The following TRIM24 variants were observed in gnomAD, a reference collection of about 807,000 sequenced individuals.
TRIM24 encodes transcription intermediary factor 1-alpha.
Under a neutral mutation model 123.9 loss-of-function variants are expected in TRIM24, and 29 were observed. That is an observed-to-expected ratio of 0.23 (90% CI 0.17 to 0.32). The LOEUF (loss-of-function observed/expected upper bound fraction) is 0.32, where lower values mean the gene tolerates loss of function less well. Among genes scored for constraint, TRIM24 ranks in the 10% least tolerant of loss-of-function variants. The probability of loss-of-function intolerance (pLI) is 1.00; values close to 1 mark genes in which losing one functional copy is unlikely to be tolerated. For missense variants in TRIM24, 932 were observed against 1,295.3 expected (o/e 0.72, Z 4.31); for synonymous variants, 456 against 461.1 (o/e 0.99, Z 0.14).
chr7:138,512,000 T>A (rs181716413), intron 2 of TRIM24, among the ~76,000 whole-genome samples: 74 of 152,276 alleles, frequency 4.9e-4, no homozygotes, highest in African/African-American at 1.7e-3. Context: ...ATACTCCCAT[T>A]CCAAAATGGA....
At chr7:138,570,801 C>T in intron 10 of TRIM24, 29 bp from the exon 11 acceptor site, 1 of 1,610,510 alleles carries the variant, frequency 6.2e-7, no homozygotes, top group Non-Finnish European at 8.5e-7. Flanking sequence ...TTGTTGATAG[C>T]CTTTGTTCTT....
intron 1 of TRIM24, among the ~76,000 whole-genome samples, chr7:138,502,728 T>C (rs1313738522): frequency 1.3e-5 from 2 of 152,200 alleles, no homozygotes; most frequent in African/African-American, 4.8e-5. Flanking sequence ...CTGAAATGCA[T>C]TGTGACATCT....
intron 2 of TRIM24, among the ~76,000 whole-genome samples, chr7:138,509,469 C>G (rs1796239144): frequency 6.7e-6 from 1 of 149,892 alleles, no homozygotes; most frequent in Non-Finnish European, 1.5e-5. Flanking sequence ...TTTGTGAGGC[C>G]GAGGCAGGCG....
chr7:138,580,679 A>G lies in TRIM24; in HGVS notation c.2703A>G (p.Thr901=), dbSNP rs749872696. ...AAACTGAAGGCCTTGTTAAGTTAAC[A>G]CCTATAGATAAAAGGGTAAGTCTTT... The part of the protein sequence containing the change: ...KKKTEGLVKL[T]PIDKRKCERL... Residue 901 remains threonine, a synonymous_variant, in exon 16 of 19, where the codon ACA becomes ACG. Coordinates refer to ENST00000343526, the MANE Select transcript of TRIM24 (RefSeq NM_015905.3). 6.2e-7 allele frequency: 1 copy of G among 1,613,624 alleles called. No individual in the cohort carries two copies. Among genetic ancestry groups the G allele is most frequent in the Non-Finnish European group, 8.5e-7 (1 of 1,179,800 alleles).
chr7:138,491,188 T>G, intron 1 of TRIM24: 1 of 256,304 alleles, frequency 3.9e-6, no homozygotes, highest in Non-Finnish European at 7.8e-6. Flanking sequence ...ACATAACCCT[T>G]GAGACCATCA....
chr7:138,520,189 T>C (rs1320676474), intron 4 of TRIM24, among the ~76,000 whole-genome samples: 1 of 152,160 alleles, frequency 6.6e-6, no homozygotes, highest in Non-Finnish European at 1.5e-5. Context: ...GGCTGAGAAA[T>C]CACAGCTTAG....
rs1554436685 is a variant in TRIM24, at chr7:138,508,708, C to CGTGTGCGTGT, written c.483+4305_483+4306insCGTGTGTGTG. On this transcript the variant is annotated intron_variant, in intron 2 of 18. Transcript: ENST00000343526. ...GTGTGTGTGTGCGCGCGCGTGTGTG[C>CGTGTGCGTGT]GTGTGTGTGTGCGTGTGTGTGTGTG... is the stretch of plus-strand genomic sequence containing the variant. Among the ~76,000 whole-genome samples, 160 of 136,282 alleles carry CGTGTGCGTGT rather than the reference C, an allele frequency of 1.2e-3. 4 individuals are homozygous for CGTGTGCGTGT. The Middle Eastern group carries it at 0.016, about 14-fold the overall frequency. 89.4% of individuals were successfully genotyped at this position (136,282 alleles called of 152,430 possible). A position where few individuals can be genotyped will look rare whatever the true frequency, so the allele number is the denominator to read the frequency against.
chr7:138,503,390 C>T (rs1448348507), intron 1 of TRIM24, among the ~76,000 whole-genome samples: 1 of 151,976 alleles, frequency 6.6e-6, no homozygotes. Flanking sequence ...TATTTTCCTG[C>T]ACAATGACCT....
intron 1 of TRIM24, among the ~76,000 whole-genome samples, chr7:138,500,573 A>G (rs1437115038): frequency 1.3e-5 from 2 of 151,480 alleles, no homozygotes; most frequent in Non-Finnish European, 2.9e-5. Context: ...CAAAAAAAAA[A>G]AAAAAAAAAA....
At chr7:138,487,265 A>G (rs1301045506) in intron 1 of TRIM24, among the ~76,000 whole-genome samples, 1 of 152,200 alleles carries the variant, frequency 6.6e-6, no homozygotes, top group African/African-American at 2.4e-5. Context: ...TTCTAAATAT[A>G]CAATCATGTC....
intron 5 of TRIM24, among the ~76,000 whole-genome samples, 194 bp downstream of exon 5, chr7:138,525,551 C>G (rs917732273): frequency 6.6e-6 from 1 of 152,122 alleles, no homozygotes; most frequent in South Asian, 2.1e-4. Context: ...TAATAATAAA[C>G]TACACTTAGT....
At chr7:138,577,665 G>T (rs1797789679) in intron 14 of TRIM24, 77 bp downstream of exon 14, 5 of 1,175,702 alleles carry the variant, frequency 4.3e-6, no homozygotes, top group Non-Finnish European at 4.5e-6. Context: ...GCTCTTAGGA[G>T]TTTTTTTTTA....
intron 1 of TRIM24, among the ~76,000 whole-genome samples, chr7:138,469,964 G>A (rs1795234219): frequency 2.0e-5 from 3 of 152,022 alleles, no homozygotes; most frequent in Admixed American, 2.0e-4. Flanking sequence ...CTTAGGAAGT[G>A]GAATGTGGAC....
At chr7:138,583,388 G>A (rs1238238186) in intron 17 of TRIM24, among the ~76,000 whole-genome samples, 1 of 152,196 alleles carries the variant, frequency 6.6e-6, no homozygotes, top group East Asian at 1.9e-4. Flanking sequence ...GGGAGGCTGA[G>A]GCAGGCAGAT....
chr7:138,520,096 T>C (rs1028929548), intron 4 of TRIM24, among the ~76,000 whole-genome samples: 1 of 152,110 alleles, frequency 6.6e-6, no homozygotes, highest in African/African-American at 2.4e-5. Context: ...TGGGTTGGAG[T>C]TGGGGCTAAG....
At chr7:138,582,932 A>G (rs28691741) in intron 17 of TRIM24, among the ~76,000 whole-genome samples, 1,980 of 152,300 alleles carry the variant, frequency 0.013, 36 homozygotes, top group African/African-American at 0.044. Flanking sequence ...TAACAACATT[A>G]CCAACTTGAA....
intron 1 of TRIM24, among the ~76,000 whole-genome samples, chr7:138,502,018 G>A (rs986680046): frequency 1.3e-5 from 2 of 152,172 alleles, no homozygotes; most frequent in Non-Finnish European, 2.9e-5. Context: ...TGGGAATGAA[G>A]TTCTGGTAGA....
chr7:138,548,253 T>C (rs1434003980), intron 7 of TRIM24, among the ~76,000 whole-genome samples: 18 of 152,174 alleles, frequency 1.2e-4, no homozygotes, highest in South Asian at 2.1e-4. Flanking sequence ...TACTGAATAC[T>C]GTAGGCAGTT....
At chr7:138,472,359 G>C (rs1457242833) in intron 1 of TRIM24, among the ~76,000 whole-genome samples, 2 of 152,052 alleles carry the variant, frequency 1.3e-5, no homozygotes, top group East Asian at 1.9e-4. Flanking sequence ...CATGGGTAGA[G>C]ATTGGTGACT....
Sources: gnomAD v4.1 joint callset for allele counts (sites outside exome capture counted in the v4.1 genomes callset) on GRCh38, gnomAD v4.1.1 for gene constraint, MANE v1.5 for transcripts, NCBI Gene and HGNC (gene_info 2026-07-23, HGNC 2026-07-21) for gene names.